The following KCNQ3 variants were observed in gnomAD, a reference collection of about 807,000 sequenced individuals.
KCNQ3 encodes the protein potassium voltage-gated channel subfamily KQT member 3.
In KCNQ3, 30 loss-of-function variants were observed where a neutral mutation model predicts 92.5. That is an observed-to-expected ratio of 0.32 (90% CI 0.24 to 0.44). KCNQ3 has a LOEUF of 0.44. KCNQ3 is among the 20% of genes least tolerant of loss of function. The pLI, the probability that KCNQ3 is intolerant of heterozygous loss-of-function variation, is 1.00. For synonymous variants in KCNQ3, 450 were observed against 468.8 expected, an observed-to-expected ratio of 0.96 and a Z score of 0.52; for missense variants, 913 against 1,140.3, an observed-to-expected ratio of 0.80 and a Z score of 2.87.
chr8:132,210,516 A>G (rs535691722), intron 1 of KCNQ3, among the ~76,000 whole-genome samples: 1 of 152,204 alleles, frequency 6.6e-6, no homozygotes, highest in Non-Finnish European at 1.5e-5. Context: ...TACCCCGAAC[A>G]TGGCAGTTAA....
chr8:132,141,571 G>A (rs1487137250), intron 9 of KCNQ3, among the ~76,000 whole-genome samples: 1 of 152,160 alleles, frequency 6.6e-6, no homozygotes, highest in Non-Finnish European at 1.5e-5. Flanking sequence ...TTTCCCATAC[G>A]ATTAAATGTA....
chr8:132,370,309 G>GATGA (rs571631731), intron 1 of KCNQ3, among the ~76,000 whole-genome samples: 1,810 of 152,282 alleles, frequency 0.012, 16 homozygotes, highest in Non-Finnish European at 0.02. Flanking sequence ...CTGCTAAATG[G>GATGA]ATGAATGAAT....
intron 1 of KCNQ3, among the ~76,000 whole-genome samples, chr8:132,314,860 G>A (rs1330192368): frequency 1.3e-5 from 2 of 152,194 alleles, no homozygotes; most frequent in African/African-American, 4.8e-5. Context: ...AGATGAACTA[G>A]CAAGGTAATA....
chr8:132,334,238 G>A (rs1004075144), intron 1 of KCNQ3, among the ~76,000 whole-genome samples: 32 of 151,838 alleles, frequency 2.1e-4, no homozygotes, highest in African/African-American at 6.8e-4. Flanking sequence ...TCTCGGAGGC[G>A]GAGGCAGGCA....
chr8:132,460,706 C>T lies in KCNQ3; in HGVS notation c.386+19441G>A, dbSNP rs1021793213. On this transcript the variant is annotated intron_variant, in intron 1 of 14. Transcript: ENST00000388996. ...AGATTCTCTTGTCACCATCTGCATC[C>T]CTTCCTGGGGTTCCGTGACCTCCTA... Among the ~76,000 whole-genome samples, 7 of 152,164 alleles carry T rather than the reference C, an allele frequency of 4.6e-5. No homozygotes were observed. The South Asian group carries it at 1.2e-3, about 27-fold the overall frequency.
At chr8:132,228,231 CT>C (rs926897348) in intron 1 of KCNQ3, among the ~76,000 whole-genome samples, 1 of 151,928 alleles carries the variant, frequency 6.6e-6, no homozygotes, top group South Asian at 2.1e-4. Flanking sequence ...ATAGTGGGCC[CT>C]TTTTTTCAAG....
chr8:132,434,897 A>AG (rs1333689057), intron 1 of KCNQ3, among the ~76,000 whole-genome samples: 1 of 152,238 alleles, frequency 6.6e-6, no homozygotes, highest in African/African-American at 2.4e-5. Flanking sequence ...AAGGCTAGGT[A>AG]GGGGTCATTA....
At chr8:132,380,483 C>T (rs922122285) in intron 1 of KCNQ3, among the ~76,000 whole-genome samples, 4 of 152,140 alleles carry the variant, frequency 2.6e-5, no homozygotes, top group African/African-American at 9.7e-5. Context: ...AAACAGCCCC[C>T]GAGACTAAGA....
At chr8:132,158,332 C>T (rs1825870815) in intron 9 of KCNQ3, among the ~76,000 whole-genome samples, 1 of 152,144 alleles carries the variant, frequency 6.6e-6, no homozygotes, top group Non-Finnish European at 1.5e-5. Context: ...CAACATTGTT[C>T]ATGACTCTGT....
At chr8:132,232,586 T>G (rs1350860330) in intron 1 of KCNQ3, among the ~76,000 whole-genome samples, 1 of 152,238 alleles carries the variant, frequency 6.6e-6, no homozygotes, top group Non-Finnish European at 1.5e-5. Context: ...ACTAACACAG[T>G]GGGCACATAG....
chr8:132,284,667 G>T (rs1475942834), intron 1 of KCNQ3, among the ~76,000 whole-genome samples: 2 of 152,136 alleles, frequency 1.3e-5, no homozygotes, highest in African/African-American at 4.8e-5. Flanking sequence ...AAGAAGTTCA[G>T]GTCATATTTA....
intron 1 of KCNQ3, among the ~76,000 whole-genome samples, chr8:132,331,140 C>T (rs375979801): frequency 2.0e-5 from 3 of 152,098 alleles, no homozygotes; most frequent in Non-Finnish European, 4.4e-5. Context: ...TGTCCTGTGC[C>T]CTTTACCAGG....
At chr8:132,259,681 G>A (rs550992813) in intron 1 of KCNQ3, among the ~76,000 whole-genome samples, 1 of 152,110 alleles carries the variant, frequency 6.6e-6, no homozygotes, top group African/African-American at 2.4e-5. Context: ...ATAAATAAAA[G>A]GCATCTGAAC....
intron 1 of KCNQ3, among the ~76,000 whole-genome samples, chr8:132,444,964 G>C (rs1474136600): frequency 6.6e-6 from 1 of 152,116 alleles, no homozygotes. Context: ...AAAATTAGTT[G>C]GTGAGAAAGT....
At chr8:132,167,347 T>C (rs1016663454) in intron 8 of KCNQ3, among the ~76,000 whole-genome samples, 1 of 152,208 alleles carries the variant, frequency 6.6e-6, no homozygotes, top group Non-Finnish European at 1.5e-5. Context: ...TAGAATTAGA[T>C]AGTGGTGATT....
intron 9 of KCNQ3, among the ~76,000 whole-genome samples, chr8:132,159,605 T>G (rs1190229769): frequency 6.6e-6 from 1 of 152,198 alleles, no homozygotes; most frequent in Non-Finnish European, 1.5e-5. Flanking sequence ...TTTGGAGCTG[T>G]TAGTATCTAC....
At chr8:132,339,189 G>A (rs1032497253) in intron 1 of KCNQ3, among the ~76,000 whole-genome samples, 1 of 152,172 alleles carries the variant, frequency 6.6e-6, no homozygotes, top group Non-Finnish European at 1.5e-5. Context: ...GAACAAAGTG[G>A]GGGCTGGAAC....
intron 1 of KCNQ3, among the ~76,000 whole-genome samples, chr8:132,399,559 TC>T (rs1820282766): frequency 6.6e-6 from 1 of 152,106 alleles, no homozygotes; most frequent in African/African-American, 2.4e-5. Context: ...TTTGTATAAC[TC>T]CTTACATTGT....
chr8:132,200,274 C>T (rs1827418796), intron 1 of KCNQ3, among the ~76,000 whole-genome samples: 1 of 152,122 alleles, frequency 6.6e-6, no homozygotes. Context: ...TGGCATTCTG[C>T]TCATTTTTGT....
Sources: allele counts gnomAD v4.1 joint callset (sites outside exome capture counted in the v4.1 genomes callset), GRCh38; gene constraint gnomAD v4.1.1; transcripts MANE v1.5; gene names NCBI Gene and HGNC (gene_info 2026-07-23, HGNC 2026-07-21).